Variants in NR1D2 observed in about 807,000 individuals in gnomAD.
NR1D2 encodes V-erbA-related protein 1-related.
Under a neutral mutation model 52.2 loss-of-function variants are expected in NR1D2, and 25 were observed. That is an observed-to-expected ratio of 0.48 (90% CI 0.35 to 0.67). The LOEUF is 0.67. Among genes scored for constraint, NR1D2 ranks in the 30% least tolerant of loss-of-function variants. The pLI is 0.01. For synonymous variants in NR1D2, 259 were observed against 230.1 expected (o/e 1.13, Z -1.14); for missense variants, 681 against 707.2 (o/e 0.96, Z 0.42).
intron 1 of NR1D2, chr3:23,946,038 C>G (rs537579126): frequency 4.3e-6 from 4 of 927,352 alleles, no homozygotes; most frequent in Middle Eastern, 5.5e-4. Context: ...GGGGCGCGCG[C>G]GCGCGCGCTG....
intron 3 of NR1D2, among the ~76,000 whole-genome samples, chr3:23,957,718 C>T (rs1041814650): frequency 1.1e-4 from 17 of 149,780 alleles, no homozygotes; most frequent in Non-Finnish European, 2.4e-4. Context: ...AGCCAGATTC[C>T]GTCTCAAAAA....
rs766662901 is a variant in NR1D2, at chr3:23,967,992, T to G, written c.1512T>G (p.Ser504Arg). The G allele has an allele frequency of 9.3e-6, 15 of 1,613,980 alleles. No individual in the cohort carries two copies. Among genetic ancestry groups the G allele is most frequent in the Non-Finnish European group, 7.6e-6 (9 of 1,180,006 alleles). The change falls in exon 7 of 8, where the codon AGT (serine) becomes AGG (arginine). Residue 504 changes from serine to arginine, a missense_variant. Around this residue, in one of 3 missense-constraint regions of NR1D2, gnomAD observed 475 missense variants for 454.5 expected, o/e 1.05. Transcript: ENST00000312521. The part of the protein sequence containing the change: ...NALQLSDEEM[S>R]LFTAVVLVSA... ...TCCAACTTAGTGATGAAGAGATGAGTTTGTTTACAGCTGTTGTCCTGGTAT... is the reference window on the plus strand; with the variant it reads ...TCCAACTTAGTGATGAAGAGATGAGGTTGTTTACAGCTGTTGTCCTGGTAT...
chr3:23,953,079 C>CTGTA (rs1259434657), intron 1 of NR1D2, among the ~76,000 whole-genome samples: 1 of 151,598 alleles, frequency 6.6e-6, no homozygotes. Flanking sequence ...TGGCTCACAC[C>CTGTA]TGTAATCCCA....
At chr3:23,950,902 C>CTTTTTTTTTTTT (rs1181448290) in intron 1 of NR1D2, among the ~76,000 whole-genome samples, 63 of 123,094 alleles carry the variant, frequency 5.1e-4, no homozygotes, top group East Asian at 1.1e-3. Flanking sequence ...CTTTCTTTTT[C>CTTTTTTTTTTTT]TTTTTTTTTT....
In NR1D2 at chr3:23,978,471, C is replaced by A. The variant is rs149325067; in HGVS notation, c.*1052C>A. 9.2e-5 allele frequency: 13 copies of A among 140,600 alleles called. No individual in the cohort carries two copies. The highest frequency in any genetic ancestry group is 2.3e-4 in the African/African-American group (8 of 34,718). 8.7% of individuals were successfully genotyped at this position (140,600 alleles called of 1,614,324 possible). Reference sequence around the variant, plus strand: ...GTAAAAGTGCAACAGGCAATTGAATCCAAATTTCAACGACAAAAAAAAAAA... The same window carrying A: ...GTAAAAGTGCAACAGGCAATTGAATACAAATTTCAACGACAAAAAAAAAAA... On this transcript the variant is annotated 3_prime_UTR_variant, in exon 8 of 8. Coordinates refer to ENST00000312521, the MANE Select transcript of NR1D2 (RefSeq NM_005126.5).
chr3:23,964,390 C>T (rs1288356107), intron 5 of NR1D2, among the ~76,000 whole-genome samples: 2 of 152,016 alleles, frequency 1.3e-5, no homozygotes, highest in Non-Finnish European at 2.9e-5. Flanking sequence ...CAGTGAGTGA[C>T]CTTTTCAACA....
In NR1D2 at chr3:23,977,565, C is replaced by G. The variant is rs1706766189; in HGVS notation, c.*146C>G. ...GGCTATCTCTGTAATCATGCAATAG[C>G]TGTTCGGATTGAGAACTCTTCAGCC... On this transcript the variant is annotated 3_prime_UTR_variant, in exon 8 of 8. Coordinates refer to ENST00000312521, the MANE Select transcript of NR1D2 (RefSeq NM_005126.5). 2 of 484,874 alleles carry G rather than the reference C, an allele frequency of 4.1e-6. No homozygotes were observed. The highest frequency in any genetic ancestry group is 6.4e-5 in the East Asian group (2 of 31,132). 30.0% of individuals were successfully genotyped at this position (484,874 alleles called of 1,614,324 possible).
Position 23,980,224 on chromosome 3 carries a change from G to A in NR1D2, c.*2805G>A, listed in dbSNP as rs1706841009. Reference sequence around the variant, plus strand: ...TTGCAAAGCAAGGTGTAGCAGCTCAGCTAGATTTATTACTGTGCACGAAAG... The same window carrying A: ...TTGCAAAGCAAGGTGTAGCAGCTCAACTAGATTTATTACTGTGCACGAAAG... On this transcript the variant is annotated 3_prime_UTR_variant, in exon 8 of 8. Transcript: ENST00000312521. The A allele has an allele frequency of 6.6e-6, 1 of 152,154 alleles. No homozygotes were observed. The highest frequency in any genetic ancestry group is 2.1e-4 in the South Asian group (1 of 4,832). 9.4% of individuals were successfully genotyped at this position (152,154 alleles called of 1,614,324 possible).
At chr3:23,963,577 G>A (rs1706355865) in intron 5 of NR1D2, 1 of 169,776 alleles carries the variant, frequency 5.9e-6, no homozygotes. Flanking sequence ...AACCTCCCAA[G>A]TAGTTGGGAT....
At chr3:23,974,088 CTTTTTT>C (rs60587118) in intron 7 of NR1D2, among the ~76,000 whole-genome samples, 17 of 79,504 alleles carry the variant, frequency 2.1e-4, no homozygotes, top group South Asian at 1.8e-3. Context: ...TTACAGTTAC[CTTTTTT>C]TTTTTTTTTT....
At chr3:23,946,983 TAA>T (rs1211148015) in intron 1 of NR1D2, among the ~76,000 whole-genome samples, 3 of 152,214 alleles carry the variant, frequency 2.0e-5, no homozygotes, top group Non-Finnish European at 4.4e-5. Flanking sequence ...AAAGTAAAAA[TAA>T]AGTCACTTTC....
At chr3:23,964,215 C>T (rs1706376868) in intron 5 of NR1D2, among the ~76,000 whole-genome samples, 1 of 151,888 alleles carries the variant, frequency 6.6e-6, no homozygotes. Flanking sequence ...GTAGCTGGGA[C>T]TACAGGCGCA....
chr3:23,965,862 G>T (rs1380942817), intron 6 of NR1D2, among the ~76,000 whole-genome samples: 1 of 152,192 alleles, frequency 6.6e-6, no homozygotes, highest in Non-Finnish European at 1.5e-5. Flanking sequence ...AGGGCAAATA[G>T]AATGTGATTT....
chr3:23,949,605 A>G (rs1705870491), intron 1 of NR1D2, among the ~76,000 whole-genome samples: 1 of 152,216 alleles, frequency 6.6e-6, no homozygotes, highest in Non-Finnish European at 1.5e-5. Context: ...CATTTTAGGG[A>G]AAGGACCATG....
chr3:23,945,993 C>T (rs1452843708), intron 1 of NR1D2: 2 of 587,204 alleles, frequency 3.4e-6, no homozygotes, highest in South Asian at 7.2e-5. Context: ...CTCCCTGACC[C>T]ACATTCCCCG....
intron 7 of NR1D2, among the ~76,000 whole-genome samples, chr3:23,975,111 G>A (rs1406480724): frequency 4.6e-5 from 7 of 151,314 alleles, no homozygotes; most frequent in East Asian, 1.9e-4. Flanking sequence ...GAGCCACCAC[G>A]TCCTGCCCAA....
At chr3:23,958,067 C>G (rs1007063821) in intron 3 of NR1D2, among the ~76,000 whole-genome samples, 3 of 152,202 alleles carry the variant, frequency 2.0e-5, no homozygotes, top group African/African-American at 4.8e-5. Flanking sequence ...CTTTGGAGAC[C>G]TATCACAGAA....
chr3:23,965,236 T>C (rs28621603), intron 6 of NR1D2, 74 bp downstream of exon 6: 1 of 165,596 alleles, frequency 6.0e-6, no homozygotes, highest in Non-Finnish European at 8.8e-6. Flanking sequence ...GTTTTAATTC[T>C]TTTTTTTTTT....
At chr3:23,973,069 A>G (rs559932841) in intron 7 of NR1D2, among the ~76,000 whole-genome samples, 1 of 152,182 alleles carries the variant, frequency 6.6e-6, no homozygotes, top group African/African-American at 2.4e-5. Flanking sequence ...ACTACTACTA[A>G]TACTAGTTCC....
Sources: allele counts gnomAD v4.1 joint callset (sites outside exome capture counted in the v4.1 genomes callset), GRCh38; gene constraint gnomAD v4.1.1; regional missense constraint gnomAD v4.1.1; transcripts MANE v1.5; gene names NCBI Gene and HGNC (gene_info 2026-07-23, HGNC 2026-07-21).